The following LRRC4C variants were observed in gnomAD, a reference collection of about 807,000 sequenced individuals.
The protein encoded by LRRC4C is leucine-rich repeat-containing protein 4C.
Under a neutral mutation model 33.6 loss-of-function variants are expected in LRRC4C, and 5 were observed. The ratio of observed to expected loss-of-function variants is 0.15; its 90% CI spans 0.08 to 0.31. The LOEUF (loss-of-function observed/expected upper bound fraction) is 0.31. LRRC4C is among the 10% of genes least tolerant of loss of function. LRRC4C has a pLI of 1.00. For synonymous variants in LRRC4C, 329 were observed against 302.0 expected (o/e 1.09, Z -0.93); for missense variants, 560 against 796.7 (o/e 0.70, Z 3.58).
chr11:40,395,674 C>A (rs183349018), intron 3 of LRRC4C, among the ~76,000 whole-genome samples: 6 of 152,042 alleles, frequency 3.9e-5, no homozygotes, highest in Admixed American at 3.9e-4. Flanking sequence ...CTTAAAAATT[C>A]TCCAGAGTGC....
At chr11:40,917,342 A>G (rs1006614719) in intron 2 of LRRC4C, among the ~76,000 whole-genome samples, 1 of 152,150 alleles carries the variant, frequency 6.6e-6, no homozygotes, top group Non-Finnish European at 1.5e-5. Context: ...ACATTTACAG[A>G]GCTTTTCAAT....
intron 1 of LRRC4C, among the ~76,000 whole-genome samples, chr11:41,181,117 T>C (rs552073819): frequency 6.6e-6 from 1 of 152,166 alleles, no homozygotes; most frequent in Non-Finnish European, 1.5e-5. Flanking sequence ...GAAATAGCAT[T>C]CCCTTTGCAT....
At chr11:40,229,554 T>G (rs1165750620) in intron 5 of LRRC4C, among the ~76,000 whole-genome samples, 1 of 152,182 alleles carries the variant, frequency 6.6e-6, no homozygotes, top group Non-Finnish European at 1.5e-5. Context: ...ATTACAGGTG[T>G]GAGCCACCAC....
At chr11:40,145,028 T>A (rs1590512595) in intron 5 of LRRC4C, among the ~76,000 whole-genome samples, 1 of 152,320 alleles carries the variant, frequency 6.6e-6, no homozygotes, top group African/African-American at 2.4e-5. Context: ...CTTATGTGTC[T>A]TTCTGCCTCA....
chr11:40,444,341 TTTTA>T (rs1343738454), intron 3 of LRRC4C, among the ~76,000 whole-genome samples: 13 of 150,194 alleles, frequency 8.7e-5, no homozygotes, highest in African/African-American at 3.2e-4. Flanking sequence ...ATTTTATTTA[TTTTA>T]TTTTTTATTT....
chr11:41,075,541 A>C (rs1939085391), intron 1 of LRRC4C, among the ~76,000 whole-genome samples: 1 of 152,008 alleles, frequency 6.6e-6, no homozygotes, highest in Non-Finnish European at 1.5e-5. Flanking sequence ...TTACACCAAA[A>C]TTTTCACTAT....
intron 3 of LRRC4C, among the ~76,000 whole-genome samples, chr11:40,478,564 T>C (rs1237879484): frequency 3.9e-5 from 6 of 152,192 alleles, no homozygotes; most frequent in Non-Finnish European, 8.8e-5. Context: ...ATTATTATAC[T>C]TTAAGTTCTA....
chr11:41,233,967 C>CT (rs34427207), intron 1 of LRRC4C, among the ~76,000 whole-genome samples: 3,227 of 140,228 alleles, frequency 0.023, 39 homozygotes, highest in South Asian at 0.049. Context: ...TCTCCAAAAG[C>CT]TTTTTTTTTT....
At position 40,984,893 on chromosome 11, in the gene LRRC4C, C is replaced by CTTT. The variant is rs562785410; in HGVS notation, c.-495-51173_-495-51171dup. 2.2e-3 allele frequency among the ~76,000 whole-genome samples: 114 copies of CTTT among 52,256 alleles called. 24 individuals are homozygous for CTTT. The highest frequency in any genetic ancestry group is 6.2e-3 in the African/African-American group (98 of 15,836). The allele number at this position is 52,256 out of a possible 152,430, so 34.3% of individuals were successfully genotyped here. ...CACGACAACTCTGTTCTCACTGACACTTTTTTTTTTTTTTTTTTTTTTTTT... is the reference window on the plus strand; with the variant it reads ...CACGACAACTCTGTTCTCACTGACACTTTTTTTTTTTTTTTTTTTTTTTTTTTT... On this transcript the variant is annotated intron_variant, in intron 1 of 6. Transcript: ENST00000528697.
chr11:40,450,821 G>A (rs776547265), intron 3 of LRRC4C, among the ~76,000 whole-genome samples: 2 of 147,570 alleles, frequency 1.4e-5, no homozygotes, highest in Non-Finnish European at 3.0e-5. Flanking sequence ...TGCTCTCTAA[G>A]CCCAATGTAA....
intron 1 of LRRC4C, among the ~76,000 whole-genome samples, chr11:40,941,724 A>G (rs778766683): frequency 1.4e-4 from 21 of 152,192 alleles, no homozygotes; most frequent in Non-Finnish European, 2.5e-4. Flanking sequence ...TTGAGCACTT[A>G]TTTATACAAA....
At chr11:40,202,585 A>G (rs4509742) in intron 5 of LRRC4C, among the ~76,000 whole-genome samples, 99,291 of 151,978 alleles carry the variant, frequency 0.65, 32,695 homozygotes, top group East Asian at 0.78. Context: ...CTCTTTGTGG[A>G]CTTAATTTCC....
intron 1 of LRRC4C, among the ~76,000 whole-genome samples, chr11:41,063,951 T>C (rs1476402198): frequency 2.6e-5 from 4 of 152,058 alleles, no homozygotes; most frequent in Non-Finnish European, 5.9e-5. Flanking sequence ...GAGGTAGAAT[T>C]GGCAGGTCTT....
At chr11:40,693,307 T>G (rs1945317339) in intron 2 of LRRC4C, among the ~76,000 whole-genome samples, 1 of 152,120 alleles carries the variant, frequency 6.6e-6, no homozygotes, top group South Asian at 2.1e-4. Context: ...AAAGAGAGAA[T>G]GGTAAAATAG....
intron 2 of LRRC4C, among the ~76,000 whole-genome samples, chr11:40,843,003 C>A (rs1290339728): frequency 2.6e-5 from 4 of 152,164 alleles, no homozygotes; most frequent in African/African-American, 9.6e-5. Flanking sequence ...CTGTTCCAAA[C>A]ATCTTTTGTA....
chr11:40,481,239 T>C (rs972687037), intron 3 of LRRC4C, among the ~76,000 whole-genome samples: 5 of 152,078 alleles, frequency 3.3e-5, no homozygotes, highest in African/African-American at 1.2e-4. Flanking sequence ...TAAACTCTTC[T>C]GTACACTATC....
chr11:41,440,283 C>A (rs1031606887), intron 1 of LRRC4C, among the ~76,000 whole-genome samples: 1 of 151,846 alleles, frequency 6.6e-6, no homozygotes, highest in African/African-American at 2.4e-5. Flanking sequence ...TCTGTCCACT[C>A]TAGAGAGAAT....
At chr11:41,030,123 G>T (rs1224443118) in intron 1 of LRRC4C, among the ~76,000 whole-genome samples, 2 of 151,886 alleles carry the variant, frequency 1.3e-5, no homozygotes, top group Middle Eastern at 3.4e-3. Flanking sequence ...TATCATAAAG[G>T]CTGTAAGAAA....
chr11:41,348,733 A>C (rs773303560), intron 1 of LRRC4C, among the ~76,000 whole-genome samples: 1 of 152,178 alleles, frequency 6.6e-6, no homozygotes, highest in Non-Finnish European at 1.5e-5. Flanking sequence ...GTTGCCAAGC[A>C]CTAGGAATCC....
Sources: gnomAD v4.1 joint callset for allele counts (sites outside exome capture counted in the v4.1 genomes callset) on GRCh38, gnomAD v4.1.1 for gene constraint, MANE v1.5 for transcripts, NCBI Gene and HGNC (gene_info 2026-07-23, HGNC 2026-07-21) for gene names.